EFCAB6: variants seen among roughly 807,000 people sequenced by gnomAD.
EFCAB6 encodes EF-hand calcium binding domain 6.
In EFCAB6, 156 loss-of-function variants were observed where a neutral mutation model predicts 169.8. The observed-to-expected ratio is 0.92, with a 90% confidence interval of 0.81 to 1.05. The LOEUF (loss-of-function observed/expected upper bound fraction) is 1.05, where lower values mean the gene tolerates loss of function less well. Ranked by LOEUF, EFCAB6 falls within the 50% of genes least tolerant of loss-of-function variation. The pLI, the probability that EFCAB6 is intolerant of heterozygous loss-of-function variation, is 0.00. For synonymous variants in EFCAB6, 698 were observed against 676.4 expected, an observed-to-expected ratio of 1.03 and a Z score of -0.50; for missense variants, 1,800 against 1,829.1, an observed-to-expected ratio of 0.98 and a Z score of 0.29.
chr22:43,665,155 G>A (rs2057187962), intron 17 of EFCAB6, among the ~76,000 whole-genome samples: 1 of 152,178 alleles, frequency 6.6e-6, no homozygotes, highest in East Asian at 1.9e-4. Flanking sequence ...CCCCTCTTTG[G>A]CTGTGCCCAC....
chr22:43,560,310 GT>G (rs1569158265), intron 26 of EFCAB6, among the ~76,000 whole-genome samples: 2 of 152,176 alleles, frequency 1.3e-5, no homozygotes, highest in Non-Finnish European at 2.9e-5. Context: ...TAGGAATGAA[GT>G]TTTTGACTCA....
chr22:43,541,678 T>C (rs950918515), intron 27 of EFCAB6, among the ~76,000 whole-genome samples: 3 of 152,208 alleles, frequency 2.0e-5, no homozygotes, highest in Non-Finnish European at 4.4e-5. Flanking sequence ...TACAGTAACC[T>C]GTCAGACAGG....
chr22:43,704,229 G>GA (rs1239860210), intron 10 of EFCAB6, among the ~76,000 whole-genome samples: 1 of 151,956 alleles, frequency 6.6e-6, no homozygotes, highest in East Asian at 1.9e-4. Flanking sequence ...GGCTAATGGG[G>GA]AAAAAAACCC....
rs141966639 is a variant in EFCAB6 at position 43,546,916 on chromosome 22, A to C, written c.3649-6559T>G. Among the ~76,000 whole-genome samples, 790 of 152,146 alleles carry C rather than the reference A, an allele frequency of 5.2e-3. 4 individuals carry two copies. The highest frequency in any genetic ancestry group is 0.041 in the Middle Eastern group (12 of 294). On this transcript the variant is annotated intron_variant, in intron 27 of 31. Coordinates refer to ENST00000262726, the MANE Select transcript of EFCAB6 (RefSeq NM_022785.4). ...ATAAATAAAATAAAAGTCTCTACTC[A>C]GAAAAGTTACCTTTCAAAAATATGG... is the stretch of plus-strand genomic sequence containing the variant.
At chr22:43,536,977 AAAC>A (rs1171059804) in intron 29 of EFCAB6, 1 of 161,866 alleles carries the variant, frequency 6.2e-6, no homozygotes. Context: ...CTGAAAAACG[AAAC>A]AACATCAAAG....
At chr22:43,746,699 C>T (rs912160003) in intron 6 of EFCAB6, among the ~76,000 whole-genome samples, 3 of 152,170 alleles carry the variant, frequency 2.0e-5, no homozygotes, top group African/African-American at 7.2e-5. Context: ...CTGCTTGAGG[C>T]TAGGAGTTCA....
chr22:43,578,166 T>A (rs1178888710), intron 25 of EFCAB6, among the ~76,000 whole-genome samples: 1 of 152,178 alleles, frequency 6.6e-6, no homozygotes, highest in East Asian at 1.9e-4. Flanking sequence ...CCATAGTCCC[T>A]GTGTGACCCT....
chr22:43,590,254 T>C (rs45466597), intron 23 of EFCAB6, 25 bp from the exon 24 acceptor site: 212,937 of 1,598,852 alleles, frequency 0.13, 15,583 homozygotes, highest in South Asian at 0.21. Flanking sequence ...ATTGCAGACA[T>C]ACCCTAAAAT....
intron 28 of EFCAB6, among the ~76,000 whole-genome samples, chr22:43,539,628 C>T (rs916169969): frequency 1.3e-5 from 2 of 152,306 alleles, no homozygotes; most frequent in Non-Finnish European, 1.5e-5. Flanking sequence ...GGTGGCTCAG[C>T]CAGGGCTCCA....
At chr22:43,620,331 A>C (rs1215227158) in intron 20 of EFCAB6, among the ~76,000 whole-genome samples, 1 of 151,510 alleles carries the variant, frequency 6.6e-6, no homozygotes, top group Admixed American at 6.6e-5. Flanking sequence ...GAAAAGAAAA[A>C]AGAAAAGAAA....
chr22:43,707,029 G>A (rs889661254), intron 10 of EFCAB6, among the ~76,000 whole-genome samples: 6 of 152,232 alleles, frequency 3.9e-5, no homozygotes, highest in Admixed American at 6.5e-5. Context: ...GTAAGAACAT[G>A]AGCTGCTGCA....
chr22:43,599,150 G>A (rs1475850287), intron 23 of EFCAB6, among the ~76,000 whole-genome samples: 1 of 152,146 alleles, frequency 6.6e-6, no homozygotes, highest in Admixed American at 6.5e-5. Flanking sequence ...AGTGGCCGCA[G>A]CAGGCATGGG....
chr22:43,740,001 TCCACCTGCCCC>T (rs145771772), intron 6 of EFCAB6, among the ~76,000 whole-genome samples: 2,863 of 145,344 alleles, frequency 0.02, 95 homozygotes, highest in African/African-American at 0.071. Flanking sequence ...CGTGTCTCCC[TCCACCTGCCCC>T]CCACCTGCTG....
At chr22:43,726,523 G>A (rs1265267828) in intron 8 of EFCAB6, among the ~76,000 whole-genome samples, 6 of 152,238 alleles carry the variant, frequency 3.9e-5, no homozygotes, top group Non-Finnish European at 7.3e-5. Flanking sequence ...TGAATTTCTT[G>A]TGATTTGGCT....
chr22:43,622,597 C>A (rs1337692549), intron 20 of EFCAB6, among the ~76,000 whole-genome samples: 1 of 152,086 alleles, frequency 6.6e-6, no homozygotes, highest in Non-Finnish European at 1.5e-5. Flanking sequence ...AACAAACAAA[C>A]TCATTCTATT....
intron 2 of EFCAB6, among the ~76,000 whole-genome samples, chr22:43,800,769 A>G (rs939808702): frequency 1.4e-4 from 22 of 152,228 alleles, no homozygotes; most frequent in African/African-American, 4.3e-4. Context: ...AGACTATTTG[A>G]AAACACACTC....
intron 22 of EFCAB6, among the ~76,000 whole-genome samples, chr22:43,606,032 G>T (rs925158870): frequency 1.3e-5 from 2 of 152,164 alleles, no homozygotes; most frequent in Non-Finnish European, 2.9e-5. Flanking sequence ...GAATGTGTGT[G>T]CCAACCCAAA....
intron 17 of EFCAB6, among the ~76,000 whole-genome samples, chr22:43,649,973 A>T (rs2148048014): frequency 6.6e-6 from 1 of 152,364 alleles, no homozygotes; most frequent in African/African-American, 2.4e-5. Context: ...CTAGTGAGAA[A>T]GAAAAATAAG....
chr22:43,660,622 C>T (rs929751561), intron 17 of EFCAB6, among the ~76,000 whole-genome samples: 4 of 151,916 alleles, frequency 2.6e-5, no homozygotes, highest in Admixed American at 6.6e-5. Context: ...ATAACACAGT[C>T]CTGGTCAATA....
Sources: gnomAD v4.1 joint callset for allele counts (sites outside exome capture counted in the v4.1 genomes callset) on GRCh38, gnomAD v4.1.1 for gene constraint, MANE v1.5 for transcripts, NCBI Gene and HGNC (gene_info 2026-07-23, HGNC 2026-07-21) for gene names.